The following PLA2G6 variants were observed in gnomAD, a reference collection of about 807,000 sequenced individuals.
The protein encoded by PLA2G6 is 85/88 kDa calcium-independent phospholipase A2.
In PLA2G6, 62 loss-of-function variants were observed where a neutral mutation model predicts 83.8. The ratio of observed to expected loss-of-function variants is 0.74; its 90% CI spans 0.60 to 0.91. The LOEUF (loss-of-function observed/expected upper bound fraction) is 0.91. PLA2G6 is among the 40% of genes least tolerant of loss of function. PLA2G6 has a pLI of 0.00. For synonymous variants in PLA2G6, 417 were observed against 449.8 expected, an observed-to-expected ratio of 0.93 and a Z score of 0.92; for missense variants, 944 against 1,102.0, an observed-to-expected ratio of 0.86 and a Z score of 2.03.
At chr22:38,179,393 T>A (rs2090759635) in intron 1 of PLA2G6, among the ~76,000 whole-genome samples, 1 of 152,174 alleles carries the variant, frequency 6.6e-6, no homozygotes, top group Non-Finnish European at 1.5e-5. Context: ...ACAATACTCC[T>A]ATGTCCTAAG....
Position 38,140,040 on chromosome 22 carries a change from T to G in PLA2G6, c.739A>C (p.Asn247His), listed in dbSNP as rs775515948. 5 of 1,613,140 alleles carry G rather than the reference T, an allele frequency of 3.1e-6. No homozygotes were observed. Among genetic ancestry groups the G allele is most frequent in the African/African-American group, 1.3e-5 (1 of 74,986 alleles). Residue 247 changes from asparagine (N) to histidine (H), a missense_variant, in exon 5 of 17, where the codon AAC (asparagine) becomes CAC (histidine). Asn to His is a moderately conservative substitution (Grantham distance 68). Coordinates refer to ENST00000332509, the MANE Select transcript of PLA2G6 (RefSeq NM_003560.4). ...GGGTAGCCGTTGGGGCCCATGATGTTGCACCGAGCATTGCACAGCAGCAGC... is the reference window on the plus strand; with the variant it reads ...GGGTAGCCGTTGGGGCCCATGATGTGGCACCGAGCATTGCACAGCAGCAGC... Reference protein sequence around the residue: ...RVLLLCNARCNIMGPNGYPIH... With the variant: ...RVLLLCNARCHIMGPNGYPIH...
intron 12 of PLA2G6, among the ~76,000 whole-genome samples, chr22:38,119,607 C>T (rs548466783): frequency 6.6e-6 from 1 of 152,114 alleles, no homozygotes; most frequent in Non-Finnish European, 1.5e-5. Context: ...GGGAGGATCG[C>T]CTCAGCTCAG....
chr22:38,125,296 G>A (rs777669743), intron 10 of PLA2G6, among the ~76,000 whole-genome samples: 1 of 152,180 alleles, frequency 6.6e-6, no homozygotes, highest in African/African-American at 2.4e-5. Flanking sequence ...GCAGGCATGT[G>A]CATGTGGGTG....
chr22:38,148,622 G>T (rs535977769), intron 2 of PLA2G6: 1 of 710,004 alleles, frequency 1.4e-6, no homozygotes, highest in African/African-American at 1.8e-5. Context: ...GAGCCCAGGC[G>T]TCTGCCAAGA....
chr22:38,133,304 CTCTGGGGCCTGTCCTGA>C, intron 6 of PLA2G6: 1 of 520,422 alleles, frequency 1.9e-6, no homozygotes, highest in Non-Finnish European at 3.5e-6. Flanking sequence ...GCAAAGGCTC[CTCTGGGGCCTGTCCTGA>C]AGCACCCCGC....
At chr22:38,171,000 G>A (rs189937435) in intron 1 of PLA2G6, among the ~76,000 whole-genome samples, 22 of 152,046 alleles carry the variant, frequency 1.4e-4, no homozygotes, top group Admixed American at 3.3e-4. Context: ...GAGAAACCCC[G>A]TCTCTACTAA....
Position 38,132,401 on chromosome 22 carries a change from G to A in PLA2G6, c.1077+430C>T, listed in dbSNP as rs1337720893. On this transcript the variant is annotated intron_variant, in intron 7 of 16. Coordinates refer to ENST00000332509, the MANE Select transcript of PLA2G6 (RefSeq NM_003560.4). This position sits in a 1 kb window ranked among gnomAD's most constrained non-coding sequence, Gnocchi z 5.0. ...TGCTCACTCGGGCCAGGTACTGCGT[G>A]TGTCACTTAGACATTCTGTAGAGGG... 3.1e-6 allele frequency: 1 copy of A among 323,536 alleles called. No homozygotes were observed. The highest frequency in any genetic ancestry group is 2.2e-5 in the African/African-American group (1 of 45,932). The allele number at this position is 323,536 out of a possible 1,614,324, so 20.0% of individuals were successfully genotyped here.
intron 2 of PLA2G6, among the ~76,000 whole-genome samples, chr22:38,164,004 G>T (rs2090121017): frequency 6.6e-6 from 1 of 152,150 alleles, no homozygotes; most frequent in Non-Finnish European, 1.5e-5. Flanking sequence ...TCCTTCCCAG[G>T]ATGCCTGGGA....
intron 10 of PLA2G6, among the ~76,000 whole-genome samples, chr22:38,124,711 T>C (rs2087731744): frequency 6.6e-6 from 1 of 152,164 alleles, no homozygotes; most frequent in South Asian, 2.1e-4. Context: ...GCCTCTGCTC[T>C]GGGCAGCGCT....
At chr22:38,167,791 TCTGTTGGTGGCAGCCCCTGGC>T (rs1449985535) in intron 2 of PLA2G6, 7 of 158,736 alleles carry the variant, frequency 4.4e-5, no homozygotes, top group Non-Finnish European at 4.4e-5. Flanking sequence ...GCCTTGCTCT[TCTGTTGGTGGCAGCCCCTGGC>T]CCCCAGCCTG....
At chr22:38,145,032 CTT>C (rs968832533) in intron 3 of PLA2G6, 2,889 of 191,138 alleles carry the variant, frequency 0.015, no homozygotes, top group South Asian at 0.036. Flanking sequence ...AACGCAGCAC[CTT>C]TTTTTTTTTT....
intron 5 of PLA2G6, chr22:38,138,284 G>C (rs779492518): frequency 6.5e-6 from 1 of 152,890 alleles, no homozygotes; most frequent in Non-Finnish European, 1.5e-5. Flanking sequence ...TGGGGGTGTT[G>C]GTATCTTCTC....
Position 38,140,065 on chromosome 22 carries a change from C to T in PLA2G6, c.714G>A (p.Val238=), listed in dbSNP as rs370906628. 1.9e-6 allele frequency: 3 copies of T among 1,613,964 alleles called. No homozygotes were observed. The highest frequency in any genetic ancestry group is 8.5e-7 in the Non-Finnish European group (1 of 1,179,942). The change falls in exon 5 of 17, where the codon GTG becomes GTA. Residue 238 remains valine, a synonymous_variant. Transcript: ENST00000332509. ...TGCACCGAGCATTGCACAGCAGCAG[C>T]ACGCGGACCATCTCCTGCTTCCCCA... ...CQLGKQEMVR[V]LLLCNARCNI... is the part of the protein sequence containing the mutation.
Position 38,123,580 on chromosome 22 carries a change from C to T in PLA2G6, c.1428-322G>A, listed in dbSNP as rs1569252958. Among the ~76,000 whole-genome samples the T allele has an allele frequency of 6.6e-6, 1 of 152,084 alleles. No homozygotes were observed. The highest frequency in any genetic ancestry group is 1.5e-5 in the Non-Finnish European group (1 of 68,016). Reference sequence around the variant, plus strand: ...ACACCTGATTTTGGTCAGTATCAGGCCTGATCCAAAGCAGGTGCCTGATAA... The same window carrying T: ...ACACCTGATTTTGGTCAGTATCAGGTCTGATCCAAAGCAGGTGCCTGATAA... On this transcript the variant is annotated intron_variant, in intron 10 of 16. Transcript: ENST00000332509. The surrounding 1 kb of genome is among the most constrained non-coding windows in gnomAD (Gnocchi z 4.1).
chr22:38,124,502 G>C (rs1281961209), intron 10 of PLA2G6, among the ~76,000 whole-genome samples: 1 of 152,116 alleles, frequency 6.6e-6, no homozygotes, highest in Non-Finnish European at 1.5e-5. Context: ...GTTCAGTCTG[G>C]AACCTTCCTC....
chr22:38,117,952 C>T (rs983227495), intron 12 of PLA2G6, among the ~76,000 whole-genome samples: 1 of 151,278 alleles, frequency 6.6e-6, no homozygotes, highest in African/African-American at 2.4e-5. Context: ...AGGAGAATCA[C>T]TTGAACCTGG....
intron 3 of PLA2G6, chr22:38,144,830 CATAAAATAAAATAAA>C (rs132935): frequency 0.013 from 2,401 of 181,542 alleles, 56 homozygotes; most frequent in African/African-American, 0.046. Context: ...CATAACGTAA[CATAAAATAAAATAAA>C]ATAAAATAAA....
intron 10 of PLA2G6, among the ~76,000 whole-genome samples, chr22:38,124,553 A>G (rs1161247878): frequency 1.3e-5 from 2 of 152,052 alleles, no homozygotes; most frequent in Admixed American, 1.3e-4. Context: ...TGAAGCTGAG[A>G]GAAGCCTGCC....
chr22:38,121,166 T>A (rs977517964), intron 11 of PLA2G6: 3 of 429,858 alleles, frequency 7.0e-6, no homozygotes, highest in Non-Finnish European at 1.3e-5. Context: ...TCACTTGAGG[T>A]CAGGAGTTTG....
Sources: allele counts gnomAD v4.1 joint callset (sites outside exome capture counted in the v4.1 genomes callset), GRCh38; gene constraint gnomAD v4.1.1; non-coding constraint Gnocchi (gnomAD v3.1); transcripts MANE v1.5; gene names NCBI Gene and HGNC (gene_info 2026-07-23, HGNC 2026-07-21).